Variants in HTT observed in about 807,000 individuals in gnomAD.
HTT encodes huntington disease protein.
A neutral mutation model predicts 362.3 loss-of-function variants in HTT; 104 were observed. That is an observed-to-expected ratio of 0.29 (90% CI 0.24 to 0.34). The LOEUF is 0.34. Ranked by LOEUF, HTT falls within the 10% of genes least tolerant of loss-of-function variation. The pLI is 1.00. For synonymous variants in HTT, 1,577 were observed against 1,548.7 expected, an observed-to-expected ratio of 1.02 and a Z score of -0.43; for missense variants, 3,301 against 3,928.6, an observed-to-expected ratio of 0.84 and a Z score of 4.27.
At chr4:3,117,765 C>G (rs927891279) in intron 8 of HTT, among the ~76,000 whole-genome samples, 2 of 152,082 alleles carry the variant, frequency 1.3e-5, no homozygotes, top group Non-Finnish European at 2.9e-5. Flanking sequence ...CCTGGAAGAT[C>G]AAGGCTGCAG....
intron 61 of HTT, 38 bp from the exon 62 acceptor site, chr4:3,235,246 G>A (rs1166320900): frequency 1.5e-6 from 2 of 1,371,434 alleles, no homozygotes; most frequent in Non-Finnish European, 2.1e-6. Context: ...CACGTTGGAT[G>A]GGGGTGGCTG....
Position 3,116,276 on chromosome 4 carries a change from G to A in HTT, c.1068+13G>A, listed in dbSNP as rs771954433. 16 of 1,598,316 alleles carry A rather than the reference G, an allele frequency of 1.0e-5. No individual in the cohort carries two copies. In the East Asian group the frequency reaches 3.1e-4, roughly 31 times the overall value. On this transcript the variant is annotated intron_variant, in intron 8 of 66. Transcript: ENST00000355072. ...GCAGCTTGTCCAGGTAGGAGCACAG[G>A]GTTTACTCTAGGCCCTGCATGTGAA...
At chr4:3,222,556 T>TA (rs1453423200) in intron 54 of HTT, 69 bp downstream of exon 54, 1 of 1,148,648 alleles carries the variant, frequency 8.7e-7, no homozygotes, top group African/African-American at 1.5e-5. Context: ...TGGTGGGGAA[T>TA]AAAATAAGGC....
chr4:3,202,517 A>T (rs1370273132), intron 41 of HTT, among the ~76,000 whole-genome samples: 1 of 152,334 alleles, frequency 6.6e-6, no homozygotes, highest in South Asian at 2.1e-4. Flanking sequence ...ACATTGACAC[A>T]TAATTTACAA....
chr4:3,109,777 C>T (rs996884671), intron 6 of HTT, among the ~76,000 whole-genome samples: 1 of 152,096 alleles, frequency 6.6e-6, no homozygotes, highest in African/African-American at 2.4e-5. Context: ...AAGTTGGTGA[C>T]TGTACCTTCA....
intron 37 of HTT, among the ~76,000 whole-genome samples, chr4:3,186,201 G>GAA (rs113401608): frequency 6.8e-6 from 1 of 147,552 alleles, no homozygotes; most frequent in African/African-American, 2.5e-5. Context: ...TGCAGAAAAA[G>GAA]AAAAAAAAAA....
Position 3,131,268 on chromosome 4 carries a change from T to A in HTT, c.1987-18T>A. On this transcript the variant is annotated intron_variant, in intron 14 of 66. Coordinates refer to ENST00000355072, the MANE Select transcript of HTT (RefSeq NM_001388492.1). Reference sequence around the variant, plus strand: ...TTGTTGAGTATGAGACAAACAAGTGTCATTGTCTCCTTTCTAGCCTTGCCG... The same window carrying A: ...TTGTTGAGTATGAGACAAACAAGTGACATTGTCTCCTTTCTAGCCTTGCCG... 6.4e-7 allele frequency: 1 copy of A among 1,556,736 alleles called. No individual in the cohort carries two copies. The highest frequency in any genetic ancestry group is 8.9e-7 in the Non-Finnish European group (1 of 1,127,714).
chr4:3,135,707 C>CAA (rs1406385924), intron 19 of HTT, among the ~76,000 whole-genome samples, 197 bp from the exon 20 acceptor site: 35 of 152,248 alleles, frequency 2.3e-4, no homozygotes, highest in African/African-American at 8.2e-4. Flanking sequence ...TTACTGAGTA[C>CAA]TGTCTTATTG....
intron 22 of HTT, among the ~76,000 whole-genome samples, chr4:3,141,125 A>G (rs1045034838): frequency 6.6e-6 from 1 of 152,214 alleles, no homozygotes; most frequent in East Asian, 1.9e-4. Flanking sequence ...TATCGTGTCA[A>G]ATGGCCACAT....
chr4:3,134,783 G>A (rs1379425723), intron 19 of HTT, among the ~76,000 whole-genome samples: 1 of 152,130 alleles, frequency 6.6e-6, no homozygotes, highest in Non-Finnish European at 1.5e-5. Context: ...AGGCTTGAAT[G>A]CAGTAGCACA....
At chr4:3,077,930 A>G (rs1331961313) in intron 1 of HTT, among the ~76,000 whole-genome samples, 1 of 152,216 alleles carries the variant, frequency 6.6e-6, no homozygotes, top group African/African-American at 2.4e-5. Flanking sequence ...CAGCCAAAAA[A>G]TCCTCTTCTC....
chr4:3,078,946 A>G (rs934270894), intron 1 of HTT, among the ~76,000 whole-genome samples: 4 of 152,198 alleles, frequency 2.6e-5, no homozygotes, highest in Non-Finnish European at 5.9e-5. Flanking sequence ...CGTGTTAGCC[A>G]GGATGATCTT....
chr4:3,228,699 G>A lies in HTT; in HGVS notation c.7933G>A (p.Asp2645Asn), dbSNP rs371268694. ...GGACGAGGAAGAGGAGGAGGAGGCCGACGCCCCTGCACCTTCGTCACCACC... is the reference window on the plus strand; with the variant it reads ...GGACGAGGAAGAGGAGGAGGAGGCCAACGCCCCTGCACCTTCGTCACCACC... ...EWDEEEEEEA[D>N]APAPSSPPTS... Residue 2645 changes from aspartate to asparagine, a missense_variant, in exon 58 of 67, where the codon GAC becomes AAC. Transcript: ENST00000355072. This position sits in a 1 kb window ranked among gnomAD's most constrained non-coding sequence, Gnocchi z 4.3. The A allele has an allele frequency of 5.0e-6, 8 of 1,610,136 alleles. No individual in the cohort carries two copies. Among genetic ancestry groups the A allele is most frequent in the Admixed American group, 3.4e-5 (2 of 59,430 alleles).
At position 3,130,391 on chromosome 4, in the gene HTT, G is replaced by A; in HGVS notation, c.1954G>A (p.Glu652Lys). ...SSVDKFVLRD[E>K]ATEPGDQENK... ...TGTTGATAAATTTGTGTTGAGAGAT[G>A]AAGCTACTGAACCGGGTGATCAAGA... The change falls in exon 14 of 67, where the codon GAA becomes AAA. Residue 652 changes from glutamate to lysine, a missense_variant. Physicochemically the swap from Glu to Lys is moderately conservative, Grantham distance 56. Coordinates refer to ENST00000355072, the MANE Select transcript of HTT (RefSeq NM_001388492.1). The A allele has an allele frequency of 1.2e-6, 2 of 1,606,264 alleles. No individual in the cohort carries two copies. The highest frequency in any genetic ancestry group is 2.2e-5 in the East Asian group (1 of 44,590).
At chr4:3,150,034 C>T (rs998011697) in intron 26 of HTT, among the ~76,000 whole-genome samples, 3 of 152,176 alleles carry the variant, frequency 2.0e-5, no homozygotes, top group African/African-American at 7.2e-5. Context: ...AGAGGGCCTC[C>T]TGGGTGTTCC....
chr4:3,145,004 C>T (rs991731397), intron 23 of HTT, 148 bp from the exon 24 acceptor site: 10 of 669,966 alleles, frequency 1.5e-5, no homozygotes, highest in African/African-American at 3.6e-5. Context: ...GGAAGTTGTA[C>T]CATGGTGGGA....
intron 1 of HTT, among the ~76,000 whole-genome samples, chr4:3,083,331 A>G (rs1713013488): frequency 6.6e-6 from 1 of 152,164 alleles, no homozygotes; most frequent in Admixed American, 6.5e-5. Flanking sequence ...CATAGCCAAC[A>G]TAGCAGCACC....
chr4:3,101,457 G>A (rs1328090537), intron 3 of HTT, among the ~76,000 whole-genome samples: 1 of 152,202 alleles, frequency 6.6e-6, no homozygotes, highest in Non-Finnish European at 1.5e-5. Flanking sequence ...GGCTGGCAGC[G>A]GGATCAGGAT....
intron 53 of HTT, among the ~76,000 whole-genome samples, chr4:3,220,934 A>G (rs1720642863): frequency 6.6e-6 from 1 of 152,226 alleles, no homozygotes; most frequent in African/African-American, 2.4e-5. Flanking sequence ...TTGCAGATTT[A>G]GAAATTACAT....
Sources: allele counts gnomAD v4.1 joint callset (sites outside exome capture counted in the v4.1 genomes callset), GRCh38; gene constraint gnomAD v4.1.1; non-coding constraint Gnocchi (gnomAD v3.1); transcripts MANE v1.5; gene names NCBI Gene and HGNC (gene_info 2026-07-23, HGNC 2026-07-21).